CSN2: variants seen among roughly 807,000 people sequenced by gnomAD.
CSN2 encodes the protein beta-casein.
A neutral mutation model predicts 27.3 loss-of-function variants in CSN2; 27 were observed. That is an observed-to-expected ratio of 0.99 (90% CI 0.73 to 1.36). The LOEUF is 1.36. CSN2 is among the 40% of genes most tolerant of loss of function. The probability of loss-of-function intolerance (pLI) is 0.00; values close to 1 mark genes in which losing one functional copy is unlikely to be tolerated. For synonymous variants in CSN2, 131 were observed against 94.8 expected, an observed-to-expected ratio of 1.38 and a Z score of -2.22; for missense variants, 333 against 264.5, an observed-to-expected ratio of 1.26 and a Z score of -1.80.
intron 3 of CSN2, among the ~76,000 whole-genome samples, chr4:69,959,504 C>T (rs966836635): frequency 1.3e-5 from 2 of 152,070 alleles, no homozygotes; most frequent in Non-Finnish European, 2.9e-5. Context: ...GTACCATTTA[C>T]TTATCAAGTG....
chr4:69,965,408 CTATATATATA>C (rs756206077), intron 1 of CSN2, among the ~76,000 whole-genome samples: 3,505 of 88,098 alleles, frequency 0.04, 71 homozygotes, highest in South Asian at 0.052. Flanking sequence ...TAGCCTCATA[CTATATATATA>C]TATATATATA....
At chr4:69,958,552 G>A (rs1019942125) in intron 5 of CSN2, among the ~76,000 whole-genome samples, 22 of 151,940 alleles carry the variant, frequency 1.4e-4, no homozygotes, top group Admixed American at 1.1e-3. Flanking sequence ...TTTTACATAG[G>A]TTTTTTTACC....
At position 69,965,683 on chromosome 4, in the gene CSN2, T is replaced by C. The variant is rs1210086415; in HGVS notation, c.-15A>G. Among the ~76,000 whole-genome samples, 1 of 151,750 alleles carries C rather than the reference T, an allele frequency of 6.6e-6. No homozygotes were observed. The highest frequency in any genetic ancestry group is 1.5e-5 in the Non-Finnish European group (1 of 67,912). On this transcript the variant is annotated splice_region_variant and 5_prime_UTR_variant, in exon 1 of 8. Coordinates refer to ENST00000353151, the MANE Select transcript of CSN2 (RefSeq NM_001891.4). ...AAATTTGTATCTAAAATTCTTACCG[T>C]TTTTCCAAGATTGAAGAGAAGTGAA...
At chr4:69,956,583 G>A (rs1216988772) in intron 6 of CSN2, among the ~76,000 whole-genome samples, 2 of 152,114 alleles carry the variant, frequency 1.3e-5, no homozygotes, top group African/African-American at 4.8e-5. Flanking sequence ...AGTGAAATAA[G>A]CATCTCAGTC....
intron 1 of CSN2, among the ~76,000 whole-genome samples, chr4:69,961,335 T>G (rs11249471): frequency 6.6e-6 from 1 of 151,962 alleles, no homozygotes; most frequent in African/African-American, 2.4e-5. Context: ...AAAGAAGTTA[T>G]AAATATGTAT....
Position 69,957,296 on chromosome 4 carries a change from G to T in CSN2, c.653C>A (p.Ala218Asp). 1.3e-6 allele frequency: 2 copies of T among 1,569,568 alleles called. No homozygotes were observed. The highest frequency in any genetic ancestry group is 1.7e-6 in the Non-Finnish European group (2 of 1,156,558). Residue 218 changes from alanine (A) to aspartate (D), a missense_variant, in exon 6 of 8, where the codon GCC (alanine) becomes GAC (aspartate). By Grantham distance (126) the Ala-to-Asp change is moderately radical (BLOSUM62 -2). Coordinates refer to ENST00000353151, the MANE Select transcript of CSN2 (RefSeq NM_001891.4). ...HQIYPVTQPL[A>D]PVHNPISV is the part of the protein sequence containing the mutation. ...TACACTAATGGGGTTATGAACTGGGGCAAGTGGCTGAGTCACAGGGTAGAT... is the reference window on the plus strand; with the variant it reads ...TACACTAATGGGGTTATGAACTGGGTCAAGTGGCTGAGTCACAGGGTAGAT...
intron 1 of CSN2, among the ~76,000 whole-genome samples, chr4:69,963,282 C>A (rs961148358): frequency 6.6e-6 from 1 of 152,126 alleles, no homozygotes; most frequent in Non-Finnish European, 1.5e-5. Context: ...AAGACACATA[C>A]ACATGTATGT....
chr4:69,964,846 T>C (rs1723743945), intron 1 of CSN2, among the ~76,000 whole-genome samples: 2 of 150,194 alleles, frequency 1.3e-5, no homozygotes, highest in Non-Finnish European at 1.5e-5. Context: ...ATACTAATTA[T>C]ACTAGTTTTT....
chr4:69,962,055 T>G (rs147318651), intron 1 of CSN2, among the ~76,000 whole-genome samples: 3,543 of 152,148 alleles, frequency 0.023, 55 homozygotes, highest in Middle Eastern at 0.062. Context: ...CAAGGAGAAC[T>G]ACAAACCACT....
intron 1 of CSN2, among the ~76,000 whole-genome samples, chr4:69,963,590 G>C (rs113522504): frequency 2.0e-5 from 3 of 152,004 alleles, no homozygotes; most frequent in Admixed American, 1.3e-4. Flanking sequence ...CTGTTGTGGG[G>C]TGGGGGGAGT....
chr4:69,961,118 AC>A (rs1723565874), intron 1 of CSN2, 111 bp from the exon 2 acceptor site: 8 of 619,022 alleles, frequency 1.3e-5, no homozygotes. Flanking sequence ...ATAATATATA[AC>A]AAAAATATCT....
rs1177989958 is a variant in CSN2, at chr4:69,957,680, A to G, written c.269T>C (p.Val90Ala). The G allele has an allele frequency of 1.9e-6, 3 of 1,614,042 alleles. No individual in the cohort carries two copies. In the South Asian group the frequency reaches 3.3e-5, roughly 18 times the overall value. ...TATTTCAGGCTGAGGGACAGGCAGCACCACAGCAGGCTGAGCAAGAGGCAG... is the reference window on the plus strand; with the variant it reads ...TATTTCAGGCTGAGGGACAGGCAGCGCCACAGCAGGCTGAGCAAGAGGCAG... Reference protein sequence around the residue: ...NILPLAQPAVVLPVPQPEIME... With the variant: ...NILPLAQPAVALPVPQPEIME... The change falls in exon 6 of 8, where the codon GTG becomes GCG. Residue 90 changes from valine (V) to alanine (A), a missense_variant. Physicochemically the swap from Val to Ala is moderately conservative, Grantham distance 64. Coordinates refer to ENST00000353151, the MANE Select transcript of CSN2 (RefSeq NM_001891.4).
intron 1 of CSN2, among the ~76,000 whole-genome samples, chr4:69,963,915 T>C (rs953745923): frequency 6.6e-6 from 1 of 152,172 alleles, no homozygotes; most frequent in African/African-American, 2.4e-5. Flanking sequence ...TGGAAGAGAC[T>C]GATCAAGAAA....
chr4:69,965,407 A>AATATATAT (rs1560401536), intron 1 of CSN2, among the ~76,000 whole-genome samples: 2 of 60,318 alleles, frequency 3.3e-5, no homozygotes, highest in African/African-American at 7.3e-5. Context: ...CTAGCCTCAT[A>AATATATAT]CTATATATAT....
chr4:69,962,962 A>G (rs189801103), intron 1 of CSN2, among the ~76,000 whole-genome samples: 3,075 of 152,312 alleles, frequency 0.02, 90 homozygotes, highest in African/African-American at 0.069. Flanking sequence ...AGACATTTAT[A>G]CAGCCAAAAA....
At chr4:69,960,431 T>TA (rs1427719235) in intron 2 of CSN2, among the ~76,000 whole-genome samples, 1 of 150,940 alleles carries the variant, frequency 6.6e-6, no homozygotes, top group African/African-American at 2.4e-5. Flanking sequence ...CAGAGTTTTT[T>TA]ATGGGTAAAA....
At chr4:69,960,923 G>T in intron 2 of CSN2, 22 bp downstream of exon 2, 1 of 1,608,824 alleles carries the variant, frequency 6.2e-7, no homozygotes, top group Non-Finnish European at 8.5e-7. Flanking sequence ...GATTGTTTAG[G>T]AATTTTTTCT....
At chr4:69,961,329 A>C (rs1723573059) in intron 1 of CSN2, among the ~76,000 whole-genome samples, 1 of 152,138 alleles carries the variant, frequency 6.6e-6, no homozygotes. Context: ...AGGCATAAAG[A>C]AGTTATAAAT....
Position 69,960,965 on chromosome 4 carries a change from C to T in CSN2, c.31G>A (p.Ala11Thr). 6.2e-7 allele frequency: 1 copy of T among 1,612,822 alleles called. No homozygotes were observed. Among genetic ancestry groups the T allele is most frequent in the Admixed American group, 1.7e-5 (1 of 59,838 alleles). ...CATACCTCCCTTGCAAGAGCAAGAG[C>T]CACCAGGCAGGCGAGGATGAGGACC... MKVLILACLV[A>T]LALARETIES... The change falls in exon 2 of 8, where the codon GCT (alanine) becomes ACT (threonine). Residue 11 changes from alanine (A) to threonine (T), a missense_variant. Transcript: ENST00000353151.
Sources: gnomAD v4.1 joint callset for allele counts (sites outside exome capture counted in the v4.1 genomes callset) on GRCh38, gnomAD v4.1.1 for gene constraint, MANE v1.5 for transcripts, NCBI Gene and HGNC (gene_info 2026-07-23, HGNC 2026-07-21) for gene names.